The following MRC2 variants were observed in gnomAD, a reference collection of about 807,000 sequenced individuals.
MRC2 encodes the protein mannose receptor C-type 2, also known as C-type mannose receptor 2.
Under a neutral mutation model 206.2 loss-of-function variants are expected in MRC2, and 84 were observed. The ratio of observed to expected loss-of-function variants is 0.41; its 90% CI spans 0.34 to 0.49. MRC2 has a LOEUF of 0.49. Ranked by LOEUF, MRC2 falls within the 20% of genes least tolerant of loss-of-function variation. The pLI is 0.31. For synonymous variants in MRC2, 798 were observed against 800.0 expected (o/e 1.00, Z 0.04); for missense variants, 1,676 against 2,001.5 (o/e 0.84, Z 3.10).
Position 62,674,348 on chromosome 17 carries a change from C to T in MRC2, c.1569+178C>T, listed in dbSNP as rs142309180. Among the ~76,000 whole-genome samples the T allele has an allele frequency of 5.0e-4, 76 of 152,164 alleles. 2 individuals are homozygous for T. The East Asian group carries it at 0.014, about 27-fold the overall frequency. ...AGGAGTGATACTGGATGGGATGGGA[C>T]GGGTGGGCGCTGTTGGGAGGAAGCA... On this transcript the variant is annotated intron_variant, in intron 9 of 29. Transcript: ENST00000303375.
intron 20 of MRC2, among the ~76,000 whole-genome samples, chr17:62,682,916 C>T (rs528320954): frequency 3.9e-5 from 6 of 152,014 alleles, no homozygotes; most frequent in Admixed American, 2.0e-4. Flanking sequence ...GCTGGGATTA[C>T]AGATGTGAGC....
In MRC2 at chr17:62,680,462, C is replaced by A. The variant is rs760091767; in HGVS notation, c.2473+9C>A. ...CGACGACAGCCCTCAAGGTGAGCACCCCCCAGCCCATCCCGCTACCCATCG... is the reference window on the plus strand; with the variant it reads ...CGACGACAGCCCTCAAGGTGAGCACACCCCAGCCCATCCCGCTACCCATCG... On this transcript the variant is annotated intron_variant, in intron 16 of 29. Coordinates refer to ENST00000303375, the MANE Select transcript of MRC2 (RefSeq NM_006039.5). This position sits in a 1 kb window ranked among gnomAD's most constrained non-coding sequence, Gnocchi z 4.8. 1.1e-5 allele frequency: 17 copies of A among 1,613,948 alleles called. No individual in the cohort carries two copies. In the South Asian group the frequency reaches 1.9e-4, roughly 18 times the overall value.
intron 1 of MRC2, among the ~76,000 whole-genome samples, chr17:62,640,781 T>G (rs955842540): frequency 1.3e-5 from 2 of 151,488 alleles, no homozygotes; most frequent in Non-Finnish European, 2.9e-5. Flanking sequence ...GCCTCCCAGG[T>G]TCACGCCATT....
chr17:62,655,396 G>T (rs2088605551), intron 1 of MRC2, among the ~76,000 whole-genome samples: 2 of 151,474 alleles, frequency 1.3e-5, no homozygotes, highest in South Asian at 4.2e-4. Flanking sequence ...AAAAAAATTA[G>T]CCGGGCATGG....
chr17:62,636,354 T>C (rs1449802725), intron 1 of MRC2, among the ~76,000 whole-genome samples: 1 of 151,820 alleles, frequency 6.6e-6, no homozygotes, highest in Non-Finnish European at 1.5e-5. Context: ...CTACACTGAT[T>C]ACACACTAGC....
chr17:62,674,472 C>T (rs145747287), intron 9 of MRC2, among the ~76,000 whole-genome samples: 34 of 152,288 alleles, frequency 2.2e-4, no homozygotes, highest in Admixed American at 3.9e-4. Context: ...GGTCTACCCC[C>T]GAGTGCCCCC....
rs150097171 is a variant in MRC2 at position 62,688,662 on chromosome 17, C to A, written c.3223C>A (p.Pro1075Thr). 15 of 1,613,468 alleles carry A rather than the reference C, an allele frequency of 9.3e-6. No homozygotes were observed. In the African/African-American group the frequency reaches 1.2e-4, roughly 13 times the overall value. Reference protein sequence around the residue: ...GPSPAPSGNKPTSCAVVLHSP... With the variant: ...GPSPAPSGNKTTSCAVVLHSP... ...TAGCCCTGCTCCCAGTGGCAACAAA[C>A]CGGTGAGGATGCCCTCCCTGTTCCC... Residue 1075 changes from proline (P) to threonine (T), a missense_variant and splice_region_variant, in exon 22 of 30, where the codon CCG becomes ACG. By Grantham distance (38) the Pro-to-Thr change is conservative. Transcript: ENST00000303375.
Position 62,660,345 on chromosome 17 carries a change from A to G in MRC2, c.119-4203A>G, listed in dbSNP as rs1041822586. Among the ~76,000 whole-genome samples the G allele has an allele frequency of 3.1e-4, 47 of 152,204 alleles. 2 individuals carry two copies. Among genetic ancestry groups the G allele is most frequent in the Non-Finnish European group, 7.3e-5 (5 of 68,046 alleles). On this transcript the variant is annotated intron_variant, in intron 1 of 29. Coordinates refer to ENST00000303375, the MANE Select transcript of MRC2 (RefSeq NM_006039.5). ...GTTAGGAAAGCAAGGAGCCATAGAA[A>G]TTCCTTCTACAGATTCTCCTTAAAT... is the stretch of plus-strand genomic sequence containing the variant.
In MRC2 at chr17:62,680,520, C is replaced by A; in HGVS notation, c.2473+67C>A. Reference sequence around the variant, plus strand: ...GAGGGCGTCAACTCTGGGGTAAGTCCCGAGAGGCCTGAATGAAATGGAGGG... The same window carrying A: ...GAGGGCGTCAACTCTGGGGTAAGTCACGAGAGGCCTGAATGAAATGGAGGG... On this transcript the variant is annotated intron_variant, in intron 16 of 29. Coordinates refer to ENST00000303375, the MANE Select transcript of MRC2 (RefSeq NM_006039.5). The surrounding 1 kb of genome is among the most constrained non-coding windows in gnomAD (Gnocchi z 4.8). 1 of 1,592,928 alleles carries A rather than the reference C, an allele frequency of 6.3e-7. No homozygotes were observed. Among genetic ancestry groups the A allele is most frequent in the Non-Finnish European group, 8.6e-7 (1 of 1,163,416 alleles).
In MRC2 at chr17:62,652,566, A is replaced by C. The variant is rs2088568551; in HGVS notation, c.119-11982A>C. 6.6e-6 allele frequency among the ~76,000 whole-genome samples: 1 copy of C among 152,242 alleles called. No homozygotes were observed. The highest frequency in any genetic ancestry group is 1.5e-5 in the Non-Finnish European group (1 of 68,046). The stretch of plus-strand genomic sequence containing the variant: ...GTTGTGAAAATTCCCCCCACGGGGA[A>C]GGAAGTGGCTCTTGGGCTGTTTATT... On this transcript the variant is annotated intron_variant, in intron 1 of 29. Coordinates refer to ENST00000303375, the MANE Select transcript of MRC2 (RefSeq NM_006039.5). This position sits in a 1 kb window ranked among gnomAD's most constrained non-coding sequence, Gnocchi z 4.6.
Position 62,692,197 on chromosome 17 carries a change from C to A in MRC2, c.4220-34C>A, listed in dbSNP as rs779099960. ...CAGGAAGCACTGCTGGGCCTAACGCCCACTTGGCCTTTCACGCCCACTCGC... is the reference window on the plus strand; with the variant it reads ...CAGGAAGCACTGCTGGGCCTAACGCACACTTGGCCTTTCACGCCCACTCGC... On this transcript the variant is annotated intron_variant, in intron 29 of 29. Coordinates refer to ENST00000303375, the MANE Select transcript of MRC2 (RefSeq NM_006039.5). This position sits in a 1 kb window ranked among gnomAD's most constrained non-coding sequence, Gnocchi z 4.2. The A allele has an allele frequency of 3.1e-6, 5 of 1,613,776 alleles. No homozygotes were observed. The East Asian group carries it at 1.1e-4, about 36-fold the overall frequency.
intron 12 of MRC2, among the ~76,000 whole-genome samples, chr17:62,677,922 C>T (rs373100397): frequency 6.6e-5 from 10 of 152,194 alleles, no homozygotes; most frequent in East Asian, 1.9e-4. Flanking sequence ...TGGTGGCAGG[C>T]GCCTGTTGTC....
At chr17:62,627,950 G>T in intron 1 of MRC2, 30 bp downstream of exon 1, 1 of 1,363,880 alleles carries the variant, frequency 7.3e-7, no homozygotes, top group Non-Finnish European at 9.5e-7. Context: ...GCCAACTTCA[G>T]GGCCCGGGCG....
chr17:62,674,210 G>C (rs756092211), intron 9 of MRC2, 40 bp downstream of exon 9: 66 of 1,434,288 alleles, frequency 4.6e-5, no homozygotes, highest in Non-Finnish European at 5.9e-5. Context: ...GGGGCCACCT[G>C]TCAGAGGGGC....
chr17:62,657,758 G>A (rs2088635058), intron 1 of MRC2, among the ~76,000 whole-genome samples: 1 of 152,150 alleles, frequency 6.6e-6, no homozygotes, highest in Non-Finnish European at 1.5e-5. Context: ...AAAGAACACA[G>A]AGCCAGCTCT....
chr17:62,691,791 A>AG (rs1269106103), intron 28 of MRC2, among the ~76,000 whole-genome samples: 1 of 151,276 alleles, frequency 6.6e-6, no homozygotes, highest in Non-Finnish European at 1.5e-5. Context: ...AAAAAAAAAA[A>AG]AAAGTCCCGA....
chr17:62,631,545 C>T (rs976651808), intron 1 of MRC2, among the ~76,000 whole-genome samples: 1 of 152,048 alleles, frequency 6.6e-6, no homozygotes, highest in African/African-American at 2.4e-5. Flanking sequence ...GGAAATTCTG[C>T]CTTATGTGTT....
rs2147417743 is a variant in MRC2, at chr17:62,627,886, C to G, written c.84C>G (p.Gly28=). The G allele has an allele frequency of 6.8e-7, 1 of 1,472,750 alleles. No individual in the cohort carries two copies. The highest frequency in any genetic ancestry group is 2.4e-5 in the Admixed American group (1 of 41,506). 91.2% of individuals were successfully genotyped at this position (1,472,750 alleles called of 1,614,324 possible). The part of the protein sequence containing the change: ...CVLLLGCLHL[G]RPGAPGDAAL... ...TGCTCCTCGGGTGCCTGCACCTCGGCCGTCCCGGCGCCCCTGGGGACGCCG... is the reference window on the plus strand; with the variant it reads ...TGCTCCTCGGGTGCCTGCACCTCGGGCGTCCCGGCGCCCCTGGGGACGCCG... Residue 28 remains glycine (G), a synonymous_variant, in exon 1 of 30, where the codon GGC becomes GGG. Coordinates refer to ENST00000303375, the MANE Select transcript of MRC2 (RefSeq NM_006039.5).
Position 62,671,676 on chromosome 17 carries a change from G to A in MRC2, c.1145G>A (p.Cys382Tyr). 2 of 1,600,004 alleles carry A rather than the reference G, an allele frequency of 1.3e-6. No homozygotes were observed. Among genetic ancestry groups the A allele is most frequent in the Non-Finnish European group, 1.7e-6 (2 of 1,172,574 alleles). The stretch of plus-strand genomic sequence containing the variant: ...AGGTGGGCCAATGTGAAGGTGGAGT[G>A]CGAGCCGAGCTGGCAGCCCTTCCAG... The part of the protein sequence containing the change: ...PDRWANVKVE[C>Y]EPSWQPFQGH... The change falls in exon 7 of 30, where the codon TGC (cysteine) becomes TAC (tyrosine). Residue 382 changes from cysteine (C) to tyrosine (Y), a missense_variant. Coordinates refer to ENST00000303375, the MANE Select transcript of MRC2 (RefSeq NM_006039.5). The surrounding 1 kb of genome is among the most constrained non-coding windows in gnomAD (Gnocchi z 4.5).
Sources: gnomAD v4.1 joint callset for allele counts (sites outside exome capture counted in the v4.1 genomes callset) on GRCh38, gnomAD v4.1.1 for gene constraint, Gnocchi (gnomAD v3.1) non-coding constraint, MANE v1.5 for transcripts, NCBI Gene and HGNC (gene_info 2026-07-23, HGNC 2026-07-21) for gene names.